Variants in STXBP5L observed in about 807,000 individuals in gnomAD.
STXBP5L encodes syntaxin-binding protein 5-like.
In STXBP5L, 65 loss-of-function variants were observed where a neutral mutation model predicts 144.5. The ratio of observed to expected loss-of-function variants is 0.45; its 90% CI spans 0.37 to 0.55. The LOEUF is 0.55. Among genes scored for constraint, STXBP5L ranks in the 20% least tolerant of loss-of-function variants. STXBP5L has a pLI of 0.00. For synonymous variants in STXBP5L, 505 were observed against 469.6 expected (o/e 1.08, Z -0.97); for missense variants, 1,298 against 1,405.5 (o/e 0.92, Z 1.22).
chr3:121,065,390 T>C (rs2041494783), intron 5 of STXBP5L, among the ~76,000 whole-genome samples: 1 of 152,164 alleles, frequency 6.6e-6, no homozygotes, highest in South Asian at 2.1e-4. Flanking sequence ...TATTTATACA[T>C]TATATAAACA....
At chr3:121,029,316 C>T (rs1242947770) in intron 3 of STXBP5L, among the ~76,000 whole-genome samples, 1 of 152,128 alleles carries the variant, frequency 6.6e-6, no homozygotes, top group Non-Finnish European at 1.5e-5. Context: ...CAGCATGGTA[C>T]TGGTAACAAA....
chr3:121,055,026 C>T (rs1425775511), intron 5 of STXBP5L, among the ~76,000 whole-genome samples: 2 of 152,062 alleles, frequency 1.3e-5, no homozygotes, highest in African/African-American at 4.8e-5. Flanking sequence ...TTTATTATCT[C>T]AACTGAGTTA....
At chr3:121,077,164 G>A (rs1402554391) in intron 5 of STXBP5L, among the ~76,000 whole-genome samples, 1 of 152,176 alleles carries the variant, frequency 6.6e-6, no homozygotes. Context: ...CCTGCATCTG[G>A]TGTCAGTTAG....
At chr3:121,300,007 C>T (rs969984446) in intron 19 of STXBP5L, among the ~76,000 whole-genome samples, 7 of 147,268 alleles carry the variant, frequency 4.8e-5, no homozygotes, top group African/African-American at 7.5e-5. Flanking sequence ...ACAAAGAAAA[C>T]GACACTTAAG....
intron 5 of STXBP5L, among the ~76,000 whole-genome samples, chr3:121,114,155 T>A (rs1296882212): frequency 6.6e-6 from 1 of 152,152 alleles, no homozygotes; most frequent in Non-Finnish European, 1.5e-5. Context: ...ATGTTGTGAA[T>A]AGAGGACTCT....
intron 19 of STXBP5L, among the ~76,000 whole-genome samples, chr3:121,313,890 G>T (rs1254438376): frequency 6.9e-6 from 1 of 145,306 alleles, no homozygotes; most frequent in Non-Finnish European, 1.5e-5. Flanking sequence ...CGGAGCGGCC[G>T]GGCAGAGACG....
chr3:121,070,677 C>G (rs1040477832), intron 5 of STXBP5L, among the ~76,000 whole-genome samples: 1 of 152,060 alleles, frequency 6.6e-6, no homozygotes, highest in Non-Finnish European at 1.5e-5. Context: ...AGACATACCC[C>G]ACGACCCGAA....
chr3:121,247,525 T>C (rs181067075), intron 14 of STXBP5L, among the ~76,000 whole-genome samples: 2 of 152,292 alleles, frequency 1.3e-5, no homozygotes, highest in Admixed American at 1.3e-4. Context: ...TTTATGTCCA[T>C]GTGTACTTAA....
chr3:121,164,931 C>G (rs1559813529), intron 9 of STXBP5L, among the ~76,000 whole-genome samples: 1 of 151,934 alleles, frequency 6.6e-6, no homozygotes, highest in Non-Finnish European at 1.5e-5. Context: ...TACAAAGTAG[C>G]AGATATATAG....
chr3:120,971,009 C>G (rs911552522), intron 3 of STXBP5L, among the ~76,000 whole-genome samples: 1 of 152,194 alleles, frequency 6.6e-6, no homozygotes, highest in African/African-American at 2.4e-5. Context: ...AGACATTGCC[C>G]CAGAACTGTA....
intron 19 of STXBP5L, among the ~76,000 whole-genome samples, chr3:121,285,144 G>A (rs2051186875): frequency 6.6e-6 from 1 of 152,000 alleles, no homozygotes; most frequent in Non-Finnish European, 1.5e-5. Flanking sequence ...ATAGAACCCA[G>A]TTCCATTGAT....
At chr3:121,372,664 T>G (rs773876339) in intron 20 of STXBP5L, among the ~76,000 whole-genome samples, 6 of 152,058 alleles carry the variant, frequency 3.9e-5, no homozygotes, top group Non-Finnish European at 7.4e-5. Flanking sequence ...CCAGCCCCTG[T>G]GTCTTCCCTC....
chr3:121,290,410 A>T (rs1028886061), intron 19 of STXBP5L, among the ~76,000 whole-genome samples: 2 of 152,120 alleles, frequency 1.3e-5, no homozygotes, highest in Non-Finnish European at 2.9e-5. Context: ...ATGGTAATTT[A>T]AAAAATTGCC....
chr3:121,187,302 C>CA (rs2047428234), intron 9 of STXBP5L, among the ~76,000 whole-genome samples: 1 of 148,566 alleles, frequency 6.7e-6, no homozygotes, highest in Admixed American at 6.9e-5. Flanking sequence ...ATTGCAAGGA[C>CA]AAAAAAACAA....
chr3:121,189,164 T>C (rs889488285), intron 9 of STXBP5L, among the ~76,000 whole-genome samples: 2 of 152,230 alleles, frequency 1.3e-5, no homozygotes, highest in Admixed American at 6.5e-5. Flanking sequence ...TCTCCCATTC[T>C]TTAAGTTTCC....
At chr3:121,104,634 A>G (rs1290780671) in intron 5 of STXBP5L, among the ~76,000 whole-genome samples, 1 of 152,182 alleles carries the variant, frequency 6.6e-6, no homozygotes, top group Non-Finnish European at 1.5e-5. Context: ...CCAAACAAAA[A>G]CATAAAGTGG....
chr3:121,052,625 CCA>C (rs1348995185), intron 5 of STXBP5L, among the ~76,000 whole-genome samples: 1 of 152,054 alleles, frequency 6.6e-6, no homozygotes, highest in Non-Finnish European at 1.5e-5. Context: ...TATGACAAAC[CCA>C]CAGTCAATAT....
intron 4 of STXBP5L, among the ~76,000 whole-genome samples, chr3:121,044,352 A>G (rs1215028550): frequency 6.6e-6 from 1 of 152,172 alleles, no homozygotes; most frequent in Non-Finnish European, 1.5e-5. Context: ...AGAAATTATT[A>G]TAGAAGGGCA....
At chr3:121,258,933 C>A (rs1559913310) in intron 17 of STXBP5L, 110 bp from the exon 18 acceptor site, 2 of 1,068,460 alleles carry the variant, frequency 1.9e-6, no homozygotes, top group East Asian at 3.0e-5. Context: ...ATGCTGCCTG[C>A]AATGCCTGGT....
Sources: allele counts gnomAD v4.1 joint callset (sites outside exome capture counted in the v4.1 genomes callset), GRCh38; gene constraint gnomAD v4.1.1; transcripts MANE v1.5; gene names NCBI Gene and HGNC (gene_info 2026-07-23, HGNC 2026-07-21).